The following SYNDIG1 variants were observed in gnomAD, a reference collection of about 807,000 sequenced individuals.
SYNDIG1 encodes the protein synapse differentiation-inducing gene protein 1.
SYNDIG1 carries 9 observed loss-of-function variants against 19.4 expected under a neutral mutation model. The observed-to-expected ratio is 0.46, with a 90% CI of 0.28 to 0.81. The LOEUF is 0.81. Ranked by LOEUF, SYNDIG1 falls within the 30% of genes least tolerant of loss-of-function variation. The probability of loss-of-function intolerance (pLI) is 0.12; values close to 1 mark genes in which losing one functional copy is unlikely to be tolerated. For synonymous variants in SYNDIG1, 141 were observed against 145.9 expected (o/e 0.97, Z 0.24); for missense variants, 311 against 343.3 (o/e 0.91, Z 0.74).
intron 3 of SYNDIG1, among the ~76,000 whole-genome samples, chr20:24,638,302 T>C (rs2059336166): frequency 6.6e-6 from 1 of 152,218 alleles, no homozygotes; most frequent in Non-Finnish European, 1.5e-5. Flanking sequence ...TGCATATATA[T>C]ATTAAGAACA....
intron 2 of SYNDIG1, among the ~76,000 whole-genome samples, chr20:24,569,418 A>G (rs2058105313): frequency 6.6e-6 from 1 of 152,170 alleles, no homozygotes; most frequent in Non-Finnish European, 1.5e-5. Flanking sequence ...ATAAAGTTCC[A>G]CATGCCCAGA....
intron 3 of SYNDIG1, among the ~76,000 whole-genome samples, chr20:24,638,488 G>A (rs1411256627): frequency 2.6e-5 from 4 of 152,012 alleles, no homozygotes; most frequent in East Asian, 3.9e-4. Context: ...TTCCCGAGAC[G>A]CTGGGACTAC....
intron 1 of SYNDIG1, among the ~76,000 whole-genome samples, chr20:24,474,118 G>C (rs2146195177): frequency 6.6e-6 from 1 of 152,292 alleles, no homozygotes; most frequent in South Asian, 2.1e-4. Flanking sequence ...GTGAGCAATA[G>C]CTTATGAAAT....
chr20:24,573,294 C>T (rs1332420891), intron 2 of SYNDIG1, among the ~76,000 whole-genome samples: 3 of 152,272 alleles, frequency 2.0e-5, no homozygotes, highest in Admixed American at 1.3e-4. Context: ...GTCCCAGTCA[C>T]GTAGATTGAT....
intron 2 of SYNDIG1, among the ~76,000 whole-genome samples, chr20:24,554,049 G>A (rs191897250): frequency 5.3e-5 from 8 of 152,264 alleles, no homozygotes; most frequent in African/African-American, 1.7e-4. Context: ...GGATTCCTAA[G>A]TATTTTATTC....
intron 3 of SYNDIG1, among the ~76,000 whole-genome samples, chr20:24,662,179 C>T (rs1033307511): frequency 6.6e-6 from 1 of 151,642 alleles, no homozygotes; most frequent in Non-Finnish European, 1.5e-5. Flanking sequence ...AGCTAAAGCA[C>T]GTTTGTTCTG....
intron 2 of SYNDIG1, among the ~76,000 whole-genome samples, chr20:24,568,975 G>A (rs2058097066): frequency 6.6e-6 from 1 of 152,172 alleles, no homozygotes; most frequent in Admixed American, 6.5e-5. Context: ...CTGGGAGCAA[G>A]GTGGAATTCA....
At chr20:24,534,322 C>G (rs1320849989) in intron 1 of SYNDIG1, among the ~76,000 whole-genome samples, 1 of 152,168 alleles carries the variant, frequency 6.6e-6, no homozygotes, top group East Asian at 1.9e-4. Flanking sequence ...TCCCCTCCAT[C>G]TGGGGCACTC....
intron 3 of SYNDIG1, among the ~76,000 whole-genome samples, chr20:24,631,956 A>G (rs2059250238): frequency 6.6e-6 from 1 of 152,312 alleles, no homozygotes; most frequent in East Asian, 1.9e-4. Flanking sequence ...AAGAGCTTAG[A>G]TTGCTTATAG....
intron 1 of SYNDIG1, among the ~76,000 whole-genome samples, chr20:24,516,993 C>T (rs1160635751): frequency 4.6e-5 from 7 of 152,150 alleles, no homozygotes; most frequent in African/African-American, 1.7e-4. Flanking sequence ...TAGTTCATGT[C>T]CTTTGTAGGG....
At chr20:24,526,736 T>C (rs899818403) in intron 1 of SYNDIG1, among the ~76,000 whole-genome samples, 2 of 152,224 alleles carry the variant, frequency 1.3e-5, no homozygotes, top group African/African-American at 4.8e-5. Context: ...TCCTTTTAGT[T>C]TAAGTCTCTA....
chr20:24,507,742 C>T (rs1273289324), intron 1 of SYNDIG1, among the ~76,000 whole-genome samples: 2 of 152,206 alleles, frequency 1.3e-5, no homozygotes, highest in African/African-American at 4.8e-5. Flanking sequence ...CGAGGCTCCT[C>T]CTCCATTTAA....
At chr20:24,570,524 A>G (rs2058124680) in intron 2 of SYNDIG1, among the ~76,000 whole-genome samples, 1 of 152,262 alleles carries the variant, frequency 6.6e-6, no homozygotes. Context: ...AAGGGAATAT[A>G]TAAATGGCAA....
intron 3 of SYNDIG1, among the ~76,000 whole-genome samples, chr20:24,662,493 A>T (rs1439080025): frequency 6.6e-6 from 1 of 152,126 alleles, no homozygotes; most frequent in Admixed American, 6.5e-5. Context: ...CCCTGCAGCC[A>T]GCCCTGCCGA....
chr20:24,521,569 T>G lies in SYNDIG1; in HGVS notation c.-78-21451T>G, dbSNP rs928447657. Reference sequence around the variant, plus strand: ...ATTTTAAAGGCTATTTTCATATGGTTATTCTGCTAGTATAATAAAGGCATA... The same window carrying G: ...ATTTTAAAGGCTATTTTCATATGGTGATTCTGCTAGTATAATAAAGGCATA... On this transcript the variant is annotated intron_variant, in intron 1 of 3. Coordinates refer to ENST00000376862, the MANE Select transcript of SYNDIG1 (RefSeq NM_024893.3). Among the ~76,000 whole-genome samples, 30 of 4,932 alleles carry G rather than the reference T, an allele frequency of 6.1e-3. No homozygotes were observed. In the African/African-American group the frequency reaches 0.078, roughly 13 times the overall value. The allele number at this position is 4,932 out of a possible 152,430, so 3.2% of individuals were successfully genotyped here. A position where few individuals can be genotyped will look rare whatever the true frequency, so the allele number is the denominator to read the frequency against.
intron 1 of SYNDIG1, among the ~76,000 whole-genome samples, chr20:24,501,480 G>A (rs573807651): frequency 6.6e-6 from 1 of 152,224 alleles, no homozygotes; most frequent in Admixed American, 6.5e-5. Context: ...GCTGTGCTGT[G>A]CCCAGCCGTT....
At chr20:24,585,054 C>T (rs1292925465) in intron 3 of SYNDIG1, 61 bp downstream of exon 3, 16 of 1,304,038 alleles carry the variant, frequency 1.2e-5, no homozygotes, top group Admixed American at 4.3e-5. Flanking sequence ...GGGGTGGGGG[C>T]GGCAATCCCA....
intron 1 of SYNDIG1, among the ~76,000 whole-genome samples, chr20:24,489,682 C>A (rs1182457081): frequency 6.6e-6 from 1 of 152,218 alleles, no homozygotes; most frequent in African/African-American, 2.4e-5. Flanking sequence ...CAGAAATGCA[C>A]ACACAGGCAC....
At chr20:24,649,163 A>G (rs1425386077) in intron 3 of SYNDIG1, among the ~76,000 whole-genome samples, 4 of 152,180 alleles carry the variant, frequency 2.6e-5, no homozygotes, top group Non-Finnish European at 2.9e-5. Context: ...CTTGTGTGAG[A>G]TCAGGAGACA....
Sources: allele counts gnomAD v4.1 joint callset (sites outside exome capture counted in the v4.1 genomes callset), GRCh38; gene constraint gnomAD v4.1.1; transcripts MANE v1.5; gene names NCBI Gene and HGNC (gene_info 2026-07-23, HGNC 2026-07-21).